The following LAMA3 variants were observed in gnomAD, a reference collection of about 807,000 sequenced individuals.
The protein encoded by LAMA3 is laminin subunit alpha 3.
A neutral mutation model predicts 402.0 loss-of-function variants in LAMA3; 281 were observed. The ratio of observed to expected loss-of-function variants is 0.70; its 90% confidence interval spans 0.63 to 0.77. The LOEUF is 0.77. Ranked by LOEUF, LAMA3 falls within the 30% of genes least tolerant of loss-of-function variation. LAMA3 has a pLI of 0.00. For missense variants in LAMA3, 3,840 were observed against 4,215.5 expected (o/e 0.91, Z 2.47); for synonymous variants, 1,431 against 1,558.4 (o/e 0.92, Z 1.93).
At chr18:23,777,672 C>T in intron 11 of LAMA3, 53 bp downstream of exon 11, 1 of 1,286,352 alleles carries the variant, frequency 7.8e-7, no homozygotes, top group Non-Finnish European at 1.1e-6. Flanking sequence ...TGCCCTTATT[C>T]TTTTCCTACT....
chr18:23,748,796 GAAA>G (rs397941089), intron 3 of LAMA3, among the ~76,000 whole-genome samples: 1 of 131,176 alleles, frequency 7.6e-6, no homozygotes, highest in Admixed American at 7.8e-5. Context: ...CTCCATCTTG[GAAA>G]AAAAAAAAAA....
intron 2 of LAMA3, among the ~76,000 whole-genome samples, chr18:23,728,074 A>G (rs1342522009): frequency 6.6e-6 from 1 of 152,164 alleles, no homozygotes; most frequent in African/African-American, 2.4e-5. Flanking sequence ...CTATTCAGAT[A>G]CATCCTGAAA....
chr18:23,751,229 GATATAATT>G, intron 5 of LAMA3, 141 bp downstream of exon 5: 1 of 785,050 alleles, frequency 1.3e-6, no homozygotes, highest in Non-Finnish European at 2.1e-6. Flanking sequence ...TGAAATACTA[GATATAATT>G]AGGAGTTTAT....
intron 27 of LAMA3, 123 bp from the exon 28 acceptor site, chr18:23,842,272 T>C (rs1178559227): frequency 1.6e-6 from 2 of 1,241,566 alleles, no homozygotes; most frequent in African/African-American, 1.5e-5. Flanking sequence ...GGTTGTCATT[T>C]CACTTTGGTA....
chr18:23,904,046 G>T lies in LAMA3; in HGVS notation c.6432G>T (p.Lys2144Asn), dbSNP rs879111135. Reference protein sequence around the residue: ...GKTSLVEEAEKHARSLQELAK... With the variant: ...GKTSLVEEAENHARSLQELAK... ...CATCCCTTGTGGAGGAGGCAGAAAA[G>T]CACGCGCGGTCCTTACAAGAGCTGG... is the stretch of plus-strand genomic sequence containing the variant. The change falls in exon 50 of 75, where the codon AAG becomes AAT. Residue 2144 changes from lysine to asparagine, a missense_variant. Transcript: ENST00000313654. 3 of 1,614,046 alleles carry T rather than the reference G, an allele frequency of 1.9e-6. No individual in the cohort carries two copies. Among genetic ancestry groups the T allele is most frequent in the South Asian group, 2.2e-5 (2 of 91,070 alleles).
intron 6 of LAMA3, among the ~76,000 whole-genome samples, chr18:23,757,193 A>C (rs1440584772): frequency 6.6e-6 from 1 of 151,886 alleles, no homozygotes; most frequent in Non-Finnish European, 1.5e-5. Flanking sequence ...ACCCAGCTCC[A>C]AGCAACCCGA....
At chr18:23,899,521 T>C in intron 47 of LAMA3, 66 bp downstream of exon 47, 1 of 1,507,202 alleles carries the variant, frequency 6.6e-7, no homozygotes, top group Non-Finnish European at 9.2e-7. Flanking sequence ...ACGTGCAGAG[T>C]GCAATGTAGA....
intron 2 of LAMA3, among the ~76,000 whole-genome samples, chr18:23,728,393 G>T (rs11664811): frequency 0.47 from 71,559 of 151,870 alleles, 19,064 homozygotes; most frequent in Non-Finnish European, 0.61. Context: ...TATCCCAGCT[G>T]TTTCATCCTA....
intron 55 of LAMA3, among the ~76,000 whole-genome samples, chr18:23,912,402 T>C (rs2081463482): frequency 6.6e-6 from 1 of 152,184 alleles, no homozygotes; most frequent in Non-Finnish European, 1.5e-5. Flanking sequence ...TCTAGGGTTG[T>C]AATTCATATT....
chr18:23,765,225 G>A (rs548291324), intron 8 of LAMA3, among the ~76,000 whole-genome samples: 1 of 152,300 alleles, frequency 6.6e-6, no homozygotes, highest in African/African-American at 2.4e-5. Flanking sequence ...GAACCAGAGA[G>A]CAGAGCTTAG....
At chr18:23,874,822 G>T (rs2064651318) in intron 38 of LAMA3, among the ~76,000 whole-genome samples, 1 of 152,190 alleles carries the variant, frequency 6.6e-6, no homozygotes, top group South Asian at 2.1e-4. Flanking sequence ...TCAAGATAGG[G>T]TATATAGGAG....
chr18:23,810,618 C>G, intron 13 of LAMA3, 115 bp downstream of exon 13: 1 of 1,153,894 alleles, frequency 8.7e-7, no homozygotes, highest in African/African-American at 1.5e-5. Context: ...CCCCCACATC[C>G]TGCTTTCACA....
chr18:23,828,184 G>C lies in LAMA3; in HGVS notation c.2823+717G>C, dbSNP rs184740097. On this transcript the variant is annotated intron_variant, in intron 23 of 74. Transcript: ENST00000313654. ...ACATTCTCTGTTTTGTCCTTTTGAG[G>C]AAAATATTCATTTGGGGGATTAAAT... 3.3e-3 allele frequency among the ~76,000 whole-genome samples: 507 copies of C among 152,246 alleles called. 4 individuals carry two copies. The highest frequency in any genetic ancestry group is 0.012 in the African/African-American group (494 of 41,550).
intron 55 of LAMA3, among the ~76,000 whole-genome samples, chr18:23,910,429 CAGTA>C (rs2081389651): frequency 6.6e-6 from 1 of 152,194 alleles, no homozygotes; most frequent in African/African-American, 2.4e-5. Flanking sequence ...AAATAAAAAG[CAGTA>C]AGTAAGTGCT....
At position 23,713,998 on chromosome 18, in the gene LAMA3, C is replaced by T. The variant is rs199850975; in HGVS notation, c.373C>T (p.Arg125Cys). 347 of 1,613,564 alleles carry T rather than the reference C, an allele frequency of 2.2e-4. 2 individuals carry two copies. In the East Asian group the frequency reaches 4.8e-3, roughly 22 times the overall value. ...CACCAATGCCATCGATGGATCTGAA[C>T]GTTGGTGGCAAAGCCCTCCCCTGTC... ...PVTNAIDGSE[R>C]WWQSPPLSSG... Residue 125 changes from arginine to cysteine, a missense_variant, in exon 2 of 75, where the codon CGT becomes TGT. Arg to Cys is a radical substitution (Grantham distance 180, BLOSUM62 -3). Coordinates refer to ENST00000313654, the MANE Select transcript of LAMA3 (RefSeq NM_198129.4).
intron 39 of LAMA3, among the ~76,000 whole-genome samples, chr18:23,876,734 T>C (rs2064730592): frequency 6.6e-6 from 1 of 152,198 alleles, no homozygotes; most frequent in South Asian, 2.1e-4. Context: ...GCCACTACTT[T>C]GGGTCCCAAT....
intron 68 of LAMA3, among the ~76,000 whole-genome samples, chr18:23,941,982 G>C (rs2082538217): frequency 6.6e-6 from 1 of 152,148 alleles, no homozygotes; most frequent in Non-Finnish European, 1.5e-5. Context: ...TTACCATCTG[G>C]TTGGCTTAAT....
intron 12 of LAMA3, among the ~76,000 whole-genome samples, chr18:23,795,385 AG>A (rs1391810922): frequency 1.3e-5 from 2 of 152,246 alleles, no homozygotes; most frequent in Non-Finnish European, 2.9e-5. Context: ...TATTAGATTA[AG>A]TAAATGGGCA....
chr18:23,842,809 G>A (rs2144600461), intron 29 of LAMA3, 59 bp downstream of exon 29: 2 of 1,605,296 alleles, frequency 1.2e-6, no homozygotes, highest in Non-Finnish European at 1.7e-6. Context: ...GGCCATTCTG[G>A]GTGTCTGTTT....
Sources: gnomAD v4.1 joint callset for allele counts (sites outside exome capture counted in the v4.1 genomes callset) on GRCh38, gnomAD v4.1.1 for gene constraint, MANE v1.5 for transcripts, NCBI Gene and HGNC (gene_info 2026-07-23, HGNC 2026-07-21) for gene names.